The following DYNC2I2 variants were observed in gnomAD, a reference collection of about 807,000 sequenced individuals.
The protein encoded by DYNC2I2 is cytoplasmic dynein 2 intermediate chain 2.
In DYNC2I2, 39 loss-of-function variants were observed where a neutral mutation model predicts 52.0. That is an observed-to-expected ratio of 0.75 (90% CI 0.58 to 0.98). The LOEUF is 0.98. Among genes scored for constraint, DYNC2I2 ranks in the 50% least tolerant of loss-of-function variants. The pLI is 0.00. For synonymous variants in DYNC2I2, 359 were observed against 321.1 expected (o/e 1.12, Z -1.26); for missense variants, 743 against 728.4 (o/e 1.02, Z -0.23).
At chr9:128,662,480 C>T in the DYNC2I2 span, among the ~76,000 whole-genome samples, 4,355 of 151,584 alleles carry the variant, frequency 0.029, 228 homozygotes, top group African/African-American at 0.1. Context: ...GGCGCGATCT[C>T]GGCTCACTGC....
chr9:128,646,472 G>C (rs113487959), intron 1 of DYNC2I2, among the ~76,000 whole-genome samples: 1 of 152,162 alleles, frequency 6.6e-6, no homozygotes, highest in African/African-American at 2.4e-5. Context: ...GCTTCCCAAA[G>C]TGCTGGGATT....
the DYNC2I2 span, among the ~76,000 whole-genome samples, chr9:128,666,735 G>A: frequency 6.6e-6 from 1 of 150,778 alleles, no homozygotes; most frequent in African/African-American, 2.4e-5. Flanking sequence ...TTCCAACCTG[G>A]GTGACAGAGC....
At chr9:128,664,001 AG>A in the DYNC2I2 span, among the ~76,000 whole-genome samples, 2 of 116,888 alleles carry the variant, frequency 1.7e-5, no homozygotes, top group Non-Finnish European at 3.3e-5. Flanking sequence ...CTTCTTGCCC[AG>A]GCTGGAGTGC....
the DYNC2I2 span, among the ~76,000 whole-genome samples, chr9:128,679,372 C>G: frequency 2.0e-5 from 3 of 152,146 alleles, no homozygotes; most frequent in Non-Finnish European, 4.4e-5. Context: ...GATGGTGGCA[C>G]GTCCTCCACC....
At chr9:128,684,120 G>A in the DYNC2I2 span, 3 of 804,334 alleles carry the variant, frequency 3.7e-6, no homozygotes, top group East Asian at 2.8e-5. Flanking sequence ...CCCCCAAAGG[G>A]TTTTAAACCT....
upstream of DYNC2I2, among the ~76,000 whole-genome samples, chr9:128,660,343 C>T (rs28814358): frequency 6.6e-6 from 1 of 151,964 alleles, no homozygotes; most frequent in Admixed American, 6.6e-5. Flanking sequence ...ATCTCCTGAC[C>T]TTGTGATCTG....
the DYNC2I2 span, among the ~76,000 whole-genome samples, chr9:128,662,907 C>T: frequency 2.6e-5 from 4 of 151,382 alleles, no homozygotes; most frequent in Non-Finnish European, 5.9e-5. Flanking sequence ...CAGGTTCAAG[C>T]ATTTCTCATG....
intron 1 of DYNC2I2, among the ~76,000 whole-genome samples, chr9:128,656,133 A>T (rs1020719362): frequency 1.5e-5 from 2 of 132,842 alleles, no homozygotes; most frequent in African/African-American, 5.8e-5. Context: ...ATCGCTCAGC[A>T]CCGGGGGCTG....
the DYNC2I2 span, among the ~76,000 whole-genome samples, chr9:128,667,216 T>C: frequency 0.13 from 19,146 of 151,804 alleles, 1,773 homozygotes; most frequent in East Asian, 0.31. Flanking sequence ...ATAATAATAA[T>C]AATTAGGAGT....
Position 128,634,160 on chromosome 9 carries a change from C to T in DYNC2I2, c.1372+66G>A, listed in dbSNP as rs1860299215. ...TGGTCTTTTCCCCAACCCAGAACCCCAGGTACAAGCAGGGCCCAGACCACC... is the reference window on the plus strand; with the variant it reads ...TGGTCTTTTCCCCAACCCAGAACCCTAGGTACAAGCAGGGCCCAGACCACC... On this transcript the variant is annotated intron_variant, in intron 8 of 8. Coordinates refer to ENST00000372715, the MANE Select transcript of DYNC2I2 (RefSeq NM_052844.4). 2.5e-6 allele frequency: 4 copies of T among 1,598,962 alleles called. No homozygotes were observed. The African/African-American group carries it at 4.0e-5, about 16-fold the overall frequency.
At chr9:128,684,267 TG>T in the DYNC2I2 span, among the ~76,000 whole-genome samples, 4 of 152,162 alleles carry the variant, frequency 2.6e-5, no homozygotes, top group East Asian at 7.8e-4. Flanking sequence ...CTTCCTCCTC[TG>T]GGGCTCCCTT....
chr9:128,647,933 G>A (rs992418960), intron 1 of DYNC2I2, among the ~76,000 whole-genome samples: 1 of 152,182 alleles, frequency 6.6e-6, no homozygotes, highest in East Asian at 1.9e-4. Flanking sequence ...AAGAGAGCCT[G>A]CAGCCATGGA....
chr9:128,670,788 G>A, the DYNC2I2 span, among the ~76,000 whole-genome samples: 1 of 150,100 alleles, frequency 6.7e-6, no homozygotes, highest in Non-Finnish European at 1.5e-5. Context: ...AACGCGGTGG[G>A]GTGTGGTGGC....
chr9:128,669,094 G>A, the DYNC2I2 span, among the ~76,000 whole-genome samples: 1 of 151,724 alleles, frequency 6.6e-6, no homozygotes, highest in East Asian at 2.0e-4. Flanking sequence ...GGCCGGGTGT[G>A]GTGGCTCACA....
At chr9:128,642,009 C>T (rs925544998) in intron 1 of DYNC2I2, among the ~76,000 whole-genome samples, 1 of 151,144 alleles carries the variant, frequency 6.6e-6, no homozygotes, top group Admixed American at 6.6e-5. Flanking sequence ...ACACAAATGC[C>T]GGGCACGGTG....
the DYNC2I2 span, among the ~76,000 whole-genome samples, chr9:128,677,814 C>A: frequency 6.6e-6 from 1 of 151,806 alleles, no homozygotes; most frequent in Non-Finnish European, 1.5e-5. Flanking sequence ...ATCTGAAAAA[C>A]AACAACAACA....
chr9:128,654,181 C>A (rs12344668), intron 1 of DYNC2I2, among the ~76,000 whole-genome samples: 1 of 152,044 alleles, frequency 6.6e-6, no homozygotes, highest in Non-Finnish European at 1.5e-5. Flanking sequence ...CACAGCAAAG[C>A]GGGAAGTGCG....
chr9:128,636,491 C>T, intron 3 of DYNC2I2, 53 bp from the exon 4 acceptor site: 1 of 1,544,236 alleles, frequency 6.5e-7, no homozygotes. Context: ...GCTCCTATCA[C>T]CCACCCCACC....
chr9:128,653,317 T>C lies in DYNC2I2; in HGVS notation c.186+3224A>G, dbSNP rs541271394. Among the ~76,000 whole-genome samples the C allele has an allele frequency of 4.0e-5, 6 of 151,110 alleles. No individual in the cohort carries two copies. In the South Asian group the frequency reaches 1.2e-3, roughly 31 times the overall value. The stretch of plus-strand genomic sequence containing the variant: ...ACCTTGGGAGGCCGAGGCAGGCAGA[T>C]GACTTGAGGCCAGGAGTTTGAGACC... On this transcript the variant is annotated intron_variant, in intron 1 of 8. Transcript: ENST00000372715.
Sources: gnomAD v4.1 joint callset for allele counts (sites outside exome capture counted in the v4.1 genomes callset) on GRCh38, gnomAD v4.1.1 for gene constraint, MANE v1.5 for transcripts, NCBI Gene and HGNC (gene_info 2026-07-23, HGNC 2026-07-21) for gene names.